GALNT13: variants seen among roughly 807,000 people sequenced by gnomAD.
The protein encoded by GALNT13 is polypeptide N-acetylgalactosaminyltransferase 13.
GALNT13 carries 28 observed loss-of-function variants against 64.2 expected under a neutral mutation model. The ratio of observed to expected loss-of-function variants is 0.44; its 90% CI spans 0.32 to 0.60. The LOEUF is 0.60. Ranked by LOEUF, GALNT13 falls within the 20% of genes least tolerant of loss-of-function variation. The pLI is 0.05. For missense variants in GALNT13, 577 were observed against 669.8 expected (o/e 0.86, Z 1.53); for synonymous variants, 214 against 224.6 (o/e 0.95, Z 0.42).
the GALNT13 span, among the ~76,000 whole-genome samples, chr2:153,640,362 G>C: frequency 4.6e-5 from 7 of 152,120 alleles, no homozygotes; most frequent in African/African-American, 1.2e-4. Flanking sequence ...GGTCCATACT[G>C]TTTTTGAGAA....
intron 3 of GALNT13, among the ~76,000 whole-genome samples, chr2:153,963,748 T>C (rs1444598427): frequency 6.9e-6 from 1 of 144,676 alleles, no homozygotes; most frequent in African/African-American, 2.7e-5. Flanking sequence ...TGTGTGTGTG[T>C]GTGTGTGTGT....
the GALNT13 span, among the ~76,000 whole-genome samples, chr2:153,681,850 G>A: frequency 6.6e-6 from 1 of 151,786 alleles, no homozygotes; most frequent in Non-Finnish European, 1.5e-5. Context: ...AAATGTTTTA[G>A]GCTTAATATG....
chr2:153,834,088 T>G, the GALNT13 span, among the ~76,000 whole-genome samples: 1 of 152,162 alleles, frequency 6.6e-6, no homozygotes, highest in African/African-American at 2.4e-5. Flanking sequence ...TATACCGGCT[T>G]GCCTGTCTTC....
At chr2:153,254,693 A>T in the GALNT13 span, among the ~76,000 whole-genome samples, 1 of 152,068 alleles carries the variant, frequency 6.6e-6, no homozygotes, top group South Asian at 2.1e-4. Context: ...GGTTTCAAAG[A>T]ACATCTTTAT....
At chr2:153,791,203 T>C in the GALNT13 span, among the ~76,000 whole-genome samples, 51 of 152,188 alleles carry the variant, frequency 3.4e-4, no homozygotes, top group African/African-American at 1.0e-3. Context: ...CATTAAAGTG[T>C]GGACAAAAAC....
At chr2:153,858,930 C>T in the GALNT13 span, among the ~76,000 whole-genome samples, 15 of 152,072 alleles carry the variant, frequency 9.9e-5, no homozygotes, top group African/African-American at 2.2e-4. Flanking sequence ...GATGGGATTT[C>T]GCCATATTGG....
At chr2:153,396,356 G>A in the GALNT13 span, among the ~76,000 whole-genome samples, 1 of 152,002 alleles carries the variant, frequency 6.6e-6, no homozygotes, top group Non-Finnish European at 1.5e-5. Flanking sequence ...AATGGGAAAG[G>A]GAGACAAATA....
At chr2:154,431,832 A>G (rs893838062) in intron 11 of GALNT13, among the ~76,000 whole-genome samples, 2 of 138,514 alleles carry the variant, frequency 1.4e-5, no homozygotes, top group Admixed American at 7.0e-5. Context: ...GTTTCCCTGC[A>G]CACGCTCTCT....
chr2:153,500,210 G>T, the GALNT13 span, among the ~76,000 whole-genome samples: 2 of 152,136 alleles, frequency 1.3e-5, no homozygotes, highest in Non-Finnish European at 2.9e-5. Flanking sequence ...CTATCTAAGG[G>T]TTCCCAGTAA....
At chr2:153,466,198 TAGAA>T in the GALNT13 span, among the ~76,000 whole-genome samples, 1 of 152,054 alleles carries the variant, frequency 6.6e-6, no homozygotes, top group African/African-American at 2.4e-5. Context: ...CTCCAACCAT[TAGAA>T]AGATCTTGCT....
intron 2 of GALNT13, among the ~76,000 whole-genome samples, chr2:153,916,874 T>A (rs1478458179): frequency 6.6e-6 from 1 of 152,216 alleles, no homozygotes; most frequent in Non-Finnish European, 1.5e-5. Flanking sequence ...TGATGTATAA[T>A]TTCTATACTT....
At chr2:154,325,617 A>G (rs745366145) in intron 9 of GALNT13, among the ~76,000 whole-genome samples, 7 of 152,018 alleles carry the variant, frequency 4.6e-5, no homozygotes, top group Non-Finnish European at 8.8e-5. Flanking sequence ...AATTTTAATT[A>G]TTGTGGATAC....
chr2:153,244,940 G>C, the GALNT13 span, among the ~76,000 whole-genome samples: 1 of 152,216 alleles, frequency 6.6e-6, no homozygotes, highest in Non-Finnish European at 1.5e-5. Context: ...AGCTTGGTGT[G>C]GGGATGGGCA....
chr2:154,423,960 C>A (rs1700363529), intron 11 of GALNT13, among the ~76,000 whole-genome samples: 1 of 152,136 alleles, frequency 6.6e-6, no homozygotes, highest in Non-Finnish European at 1.5e-5. Flanking sequence ...CACCCCCAAC[C>A]CTAGACCCCT....
the GALNT13 span, among the ~76,000 whole-genome samples, chr2:153,124,073 G>C: frequency 6.6e-6 from 1 of 152,212 alleles, no homozygotes; most frequent in African/African-American, 2.4e-5. Context: ...GTTGTGAGCT[G>C]CTTTATAGAG....
the GALNT13 span, among the ~76,000 whole-genome samples, chr2:153,779,134 C>G: frequency 6.6e-6 from 1 of 152,012 alleles, no homozygotes; most frequent in Non-Finnish European, 1.5e-5. Context: ...AATAAATGAA[C>G]TAACTTCAGA....
intron 8 of GALNT13, among the ~76,000 whole-genome samples, chr2:154,297,473 A>T (rs1320236627): frequency 6.6e-6 from 1 of 152,196 alleles, no homozygotes; most frequent in African/African-American, 2.4e-5. Context: ...ATATCCTTAT[A>T]AGAAGAGAAA....
In GALNT13 at chr2:153,981,805, A is replaced by G. The variant is rs1349655343; in HGVS notation, c.142+37166A>G. Among the ~76,000 whole-genome samples, 7 of 152,196 alleles carry G rather than the reference A, an allele frequency of 4.6e-5. No homozygotes were observed. In the East Asian group the frequency reaches 1.4e-3, roughly 29 times the overall value. ...TGGCTTTCAGAATTTTTTCTAGCTC[A>G]TGGTATACAGATCTGTTGTCTATAT... On this transcript the variant is annotated intron_variant, in intron 3 of 12. Transcript: ENST00000392825.
chr2:153,902,443 CA>C (rs1688300732), intron 2 of GALNT13, among the ~76,000 whole-genome samples: 1 of 151,980 alleles, frequency 6.6e-6, no homozygotes, highest in South Asian at 2.1e-4. Context: ...GAGAGAAAGA[CA>C]AAAAGAACTC....
Sources: gnomAD v4.1 joint callset for allele counts (sites outside exome capture counted in the v4.1 genomes callset) on GRCh38, gnomAD v4.1.1 for gene constraint, MANE v1.5 for transcripts, NCBI Gene and HGNC (gene_info 2026-07-23, HGNC 2026-07-21) for gene names.